The following ADD3 variants were observed in gnomAD, a reference collection of about 807,000 sequenced individuals.
ADD3 encodes adducin 3.
Under a neutral mutation model 80.2 loss-of-function variants are expected in ADD3, and 25 were observed. That is an observed-to-expected ratio of 0.31 (90% confidence interval 0.23 to 0.44). The LOEUF is 0.44. Among genes scored for constraint, ADD3 ranks in the 20% least tolerant of loss-of-function variants. The pLI is 1.00. For missense variants in ADD3, 829 were observed against 847.5 expected (o/e 0.98, Z 0.27); for synonymous variants, 284 against 289.6 (o/e 0.98, Z 0.20).
At chr10:110,102,580 C>G (rs751917939) in intron 2 of ADD3, among the ~76,000 whole-genome samples, 8 of 152,140 alleles carry the variant, frequency 5.3e-5, no homozygotes, top group Non-Finnish European at 8.8e-5. Context: ...GCACTCCAGC[C>G]TGGGTGACAG....
At chr10:110,097,094 G>A (rs58098832) in intron 1 of ADD3, among the ~76,000 whole-genome samples, 13,605 of 152,212 alleles carry the variant, frequency 0.089, 1,983 homozygotes, top group African/African-American at 0.31. Context: ...ATGAGCATAT[G>A]TCAGATACTG....
intron 1 of ADD3, among the ~76,000 whole-genome samples, chr10:110,021,007 C>G (rs1163671193): frequency 1.3e-5 from 2 of 152,000 alleles, no homozygotes; most frequent in East Asian, 1.9e-4. Flanking sequence ...TATAGGCCGA[C>G]TATATAAACT....
At chr10:110,108,671 CTTATA>C (rs924288337) in intron 2 of ADD3, among the ~76,000 whole-genome samples, 1 of 151,782 alleles carries the variant, frequency 6.6e-6, no homozygotes, top group African/African-American at 2.4e-5. Context: ...TTATATTAGT[CTTATA>C]TTAGTAATTT....
chr10:110,117,311 C>T, intron 4 of ADD3, 31 bp from the exon 5 acceptor site: 1 of 1,194,698 alleles, frequency 8.4e-7, no homozygotes, highest in Non-Finnish European at 1.2e-6. Flanking sequence ...TGAACCACTT[C>T]ATAGTAATTC....
chr10:110,034,572 G>A (rs7073697), intron 1 of ADD3, among the ~76,000 whole-genome samples: 18,934 of 151,984 alleles, frequency 0.12, 3,765 homozygotes, highest in African/African-American at 0.42. Flanking sequence ...GATTTCAATA[G>A]TCCAAGATAC....
intron 1 of ADD3, among the ~76,000 whole-genome samples, chr10:110,045,552 T>C (rs1856823747): frequency 6.6e-6 from 1 of 152,196 alleles, no homozygotes; most frequent in Non-Finnish European, 1.5e-5. Context: ...AGTACATGTT[T>C]TGGAAAATTA....
intron 3 of ADD3, among the ~76,000 whole-genome samples, chr10:110,114,593 A>G (rs1352133611): frequency 2.6e-5 from 4 of 152,198 alleles, no homozygotes; most frequent in African/African-American, 4.8e-5. Context: ...GACAAATTAT[A>G]TATGGTTACC....
chr10:110,064,549 T>C (rs1325380420), intron 1 of ADD3, among the ~76,000 whole-genome samples: 4 of 152,240 alleles, frequency 2.6e-5, no homozygotes, highest in Non-Finnish European at 4.4e-5. Flanking sequence ...TGCAAAGTGC[T>C]GTTCACGTCT....
At chr10:110,132,500 G>C in intron 14 of ADD3, 100 bp downstream of exon 14, 1 of 668,438 alleles carries the variant, frequency 1.5e-6, no homozygotes, top group Admixed American at 3.0e-5. Flanking sequence ...CCTCATCACA[G>C]TAAGTTTTCC....
rs144133755 is a variant in ADD3 at position 110,027,507 on chromosome 10, T to C, written c.-30+19208T>C. ...GATTTAACCTAATATATTTAAAATA[T>C]AATTTCAACATGTAATCAGCATAAA... On this transcript the variant is annotated intron_variant, in intron 1 of 14. Transcript: ENST00000356080. Among the ~76,000 whole-genome samples, 365 of 152,346 alleles carry C rather than the reference T, an allele frequency of 2.4e-3. 5 individuals carry two copies. Among genetic ancestry groups the C allele is most frequent in the Non-Finnish European group, 2.0e-3 (136 of 68,026 alleles).
chr10:110,114,614 T>G (rs1378107798), intron 3 of ADD3, among the ~76,000 whole-genome samples: 2 of 152,052 alleles, frequency 1.3e-5, no homozygotes, highest in Non-Finnish European at 2.9e-5. Context: ...CAGGAGAGGT[T>G]AAGGAGGTAG....
At chr10:110,029,432 C>T (rs534435437) in intron 1 of ADD3, among the ~76,000 whole-genome samples, 116 of 152,306 alleles carry the variant, frequency 7.6e-4, no homozygotes, top group Non-Finnish European at 1.4e-3. Flanking sequence ...CTTTCTATGA[C>T]ATTAGCTGTA....
intron 1 of ADD3, among the ~76,000 whole-genome samples, chr10:110,037,159 C>A (rs1855758555): frequency 1.3e-5 from 2 of 152,294 alleles, no homozygotes; most frequent in Admixed American, 1.3e-4. Flanking sequence ...GGAAATGGAA[C>A]ATTTCCTGGA....
At chr10:110,066,745 C>G (rs1844006234) in intron 1 of ADD3, among the ~76,000 whole-genome samples, 1 of 152,094 alleles carries the variant, frequency 6.6e-6, no homozygotes, top group African/African-American at 2.4e-5. Context: ...TAGTTGTTGA[C>G]TATGACTCTG....
intron 1 of ADD3, among the ~76,000 whole-genome samples, chr10:110,088,235 T>C: frequency 6.6e-6 from 1 of 152,200 alleles, no homozygotes; most frequent in East Asian, 1.9e-4. Context: ...GAAGACACTA[T>C]TCAACCACTA....
chr10:110,072,102 C>G (rs1844791558), intron 1 of ADD3, among the ~76,000 whole-genome samples: 1 of 152,214 alleles, frequency 6.6e-6, no homozygotes, highest in South Asian at 2.1e-4. Context: ...CTCTCTGTCA[C>G]CCAGGCTGGA....
chr10:110,005,330 G>C (rs866639478), upstream of ADD3, among the ~76,000 whole-genome samples: 1 of 152,196 alleles, frequency 6.6e-6, no homozygotes, highest in South Asian at 2.1e-4. Context: ...AAAGTGCTGG[G>C]ATTACAGGCG....
chr10:110,094,625 A>C (rs553242679), intron 1 of ADD3, among the ~76,000 whole-genome samples: 2 of 152,164 alleles, frequency 1.3e-5, no homozygotes, highest in Admixed American at 1.3e-4. Context: ...AGATCTGTCA[A>C]TTTCCATGTC....
intron 1 of ADD3, among the ~76,000 whole-genome samples, chr10:110,068,961 C>T (rs113794268): frequency 0.021 from 3,264 of 152,066 alleles, 116 homozygotes; most frequent in African/African-American, 0.07. Context: ...CCTGTGGTCC[C>T]AGCTACTTGG....
Sources: gnomAD v4.1 joint callset for allele counts (sites outside exome capture counted in the v4.1 genomes callset) on GRCh38, gnomAD v4.1.1 for gene constraint, MANE v1.5 for transcripts, NCBI Gene and HGNC (gene_info 2026-07-23, HGNC 2026-07-21) for gene names.